PLCB1: variants seen among roughly 807,000 people sequenced by gnomAD.
The protein encoded by PLCB1 is 1-phosphatidylinositol 4,5-bisphosphate phosphodiesterase beta-1.
In PLCB1, 46 loss-of-function variants were observed where a neutral mutation model predicts 161.8. The ratio of observed to expected loss-of-function variants is 0.28; its 90% CI spans 0.22 to 0.36. The LOEUF (loss-of-function observed/expected upper bound fraction) is 0.36. PLCB1 is among the 10% of genes least tolerant of loss of function. PLCB1 has a pLI of 1.00. For missense variants in PLCB1, 1,016 were observed against 1,472.5 expected (o/e 0.69, Z 5.07); for synonymous variants, 517 against 503.7 (o/e 1.03, Z -0.35).
intron 2 of PLCB1, among the ~76,000 whole-genome samples, chr20:8,236,814 T>G (rs1246268595): frequency 6.6e-6 from 1 of 151,922 alleles, no homozygotes; most frequent in African/African-American, 2.4e-5. Flanking sequence ...GTAAACGATA[T>G]GAATGGGAAA....
intron 2 of PLCB1, among the ~76,000 whole-genome samples, chr20:8,295,802 C>T (rs1983599209): frequency 6.6e-6 from 1 of 151,980 alleles, no homozygotes; most frequent in Non-Finnish European, 1.5e-5. Flanking sequence ...TTTGACCTCC[C>T]GAACTCAAGT....
chr20:8,432,705 C>T (rs765244816), intron 3 of PLCB1, among the ~76,000 whole-genome samples: 49 of 152,246 alleles, frequency 3.2e-4, no homozygotes, highest in African/African-American at 1.1e-3. Flanking sequence ...AGGATCAAAG[C>T]GACAGAAACT....
intron 3 of PLCB1, among the ~76,000 whole-genome samples, chr20:8,572,965 G>T (rs1366042965): frequency 6.6e-6 from 1 of 152,048 alleles, no homozygotes; most frequent in East Asian, 1.9e-4. Context: ...GCATAGACAG[G>T]GTGAGACCAC....
At chr20:8,531,358 T>C (rs1659405655) in intron 3 of PLCB1, among the ~76,000 whole-genome samples, 2 of 152,128 alleles carry the variant, frequency 1.3e-5, no homozygotes, top group African/African-American at 4.8e-5. Flanking sequence ...TATGATGTTT[T>C]GATTCTAGTC....
chr20:8,145,157 G>A (rs2051440941), intron 1 of PLCB1, among the ~76,000 whole-genome samples: 1 of 152,140 alleles, frequency 6.6e-6, no homozygotes, highest in Admixed American at 6.5e-5. Flanking sequence ...TGTCAGCAGG[G>A]TTGCTTCCTG....
intron 31 of PLCB1, among the ~76,000 whole-genome samples, chr20:8,845,469 A>G (rs1250740363): frequency 6.6e-6 from 1 of 152,230 alleles, no homozygotes; most frequent in Non-Finnish European, 1.5e-5. Flanking sequence ...AATTTAAATT[A>G]ATTAAAGAAA....
At chr20:8,185,139 G>A (rs1360089497) in intron 2 of PLCB1, among the ~76,000 whole-genome samples, 3 of 152,148 alleles carry the variant, frequency 2.0e-5, no homozygotes, top group Non-Finnish European at 4.4e-5. Context: ...TTAATGTTAA[G>A]GCTGTGGGGA....
chr20:8,806,098 A>G (rs180766832), intron 31 of PLCB1, among the ~76,000 whole-genome samples: 4 of 152,264 alleles, frequency 2.6e-5, no homozygotes, highest in East Asian at 3.9e-4. Context: ...GCACGTTCAC[A>G]TTGCTCAAAG....
In PLCB1 at chr20:8,710,407, A is replaced by G. The variant is rs143085319; in HGVS notation, c.1250+1655A>G. On this transcript the variant is annotated intron_variant, in intron 12 of 31. Transcript: ENST00000338037. ...CCCACTTCCAACATCGGGGGTTACA[A>G]TTTGACATGAGATTTGGGCAGGGAT... Among the ~76,000 whole-genome samples the G allele has an allele frequency of 6.1e-4, 92 of 151,724 alleles. 2 individuals carry two copies. The East Asian group carries it at 0.015, about 25-fold the overall frequency.
chr20:8,375,376 T>G (rs906581852), intron 3 of PLCB1, among the ~76,000 whole-genome samples: 2 of 152,204 alleles, frequency 1.3e-5, no homozygotes, highest in African/African-American at 4.8e-5. Flanking sequence ...CTGCGGCCTC[T>G]GATCTATTAG....
At chr20:8,778,579 G>T (rs1332616993) in intron 27 of PLCB1, among the ~76,000 whole-genome samples, 1 of 152,190 alleles carries the variant, frequency 6.6e-6, no homozygotes, top group East Asian at 1.9e-4. Context: ...AGGAATGTGA[G>T]TACACATTGT....
intron 3 of PLCB1, among the ~76,000 whole-genome samples, chr20:8,447,438 A>G (rs1980883388): frequency 6.6e-6 from 1 of 152,212 alleles, no homozygotes; most frequent in Non-Finnish European, 1.5e-5. Flanking sequence ...AACTCTCCAG[A>G]CAATACCTAG....
intron 3 of PLCB1, among the ~76,000 whole-genome samples, chr20:8,514,768 T>C (rs1384364912): frequency 2.0e-5 from 3 of 152,212 alleles, no homozygotes; most frequent in Non-Finnish European, 4.4e-5. Context: ...TGTATGTATG[T>C]ATGGGTGAAT....
chr20:8,757,147 C>G lies in PLCB1; in HGVS notation c.2625C>G (p.Pro875=), dbSNP rs1600302170. The G allele has an allele frequency of 6.2e-7, 1 of 1,612,882 alleles. No individual in the cohort carries two copies. Among genetic ancestry groups the G allele is most frequent in the Non-Finnish European group, 8.5e-7 (1 of 1,179,312 alleles). The change falls in exon 24 of 32, where the codon CCC becomes CCG. Residue 875 remains proline (P), a synonymous_variant. Transcript: ENST00000338037. ...CTACAACCCTGACACCCAAGCCACCCTCCCAGGCTCTCCACAGCCAGCCAG... is the reference window on the plus strand; with the variant it reads ...CTACAACCCTGACACCCAAGCCACCGTCCCAGGCTCTCCACAGCCAGCCAG... The part of the protein sequence containing the change: ...NHTTTLTPKP[P]SQALHSQPAP...
At chr20:8,422,504 G>T (rs1429445871) in intron 3 of PLCB1, among the ~76,000 whole-genome samples, 1 of 152,112 alleles carries the variant, frequency 6.6e-6, no homozygotes, top group African/African-American at 2.4e-5. Context: ...GGTTACATGG[G>T]TCTATGCATC....
chr20:8,651,385 C>T (rs1989317469), intron 7 of PLCB1: 2 of 711,214 alleles, frequency 2.8e-6, no homozygotes, highest in Non-Finnish European at 2.6e-6. Flanking sequence ...AATAAGAGCA[C>T]CTCTTCACTA....
chr20:8,188,330 G>C (rs1025702876), intron 2 of PLCB1, among the ~76,000 whole-genome samples: 3 of 152,104 alleles, frequency 2.0e-5, no homozygotes, highest in African/African-American at 7.2e-5. Context: ...TGGTCTAGTG[G>C]GAGGGGCTAC....
intron 3 of PLCB1, among the ~76,000 whole-genome samples, chr20:8,394,523 G>A (rs1418855049): frequency 6.6e-6 from 1 of 152,058 alleles, no homozygotes; most frequent in Non-Finnish European, 1.5e-5. Flanking sequence ...GGCTCCACCA[G>A]TATTACTCAT....
chr20:8,793,362 A>G (rs1381891677), intron 31 of PLCB1, among the ~76,000 whole-genome samples: 1 of 152,180 alleles, frequency 6.6e-6, no homozygotes, highest in Non-Finnish European at 1.5e-5. Context: ...AGGAGAATAG[A>G]GTTCCTCCCT....
Sources: gnomAD v4.1 joint callset for allele counts (sites outside exome capture counted in the v4.1 genomes callset) on GRCh38, gnomAD v4.1.1 for gene constraint, MANE v1.5 for transcripts, NCBI Gene and HGNC (gene_info 2026-07-23, HGNC 2026-07-21) for gene names.